Variants in ARMH4 observed in about 807,000 individuals in gnomAD.
ARMH4 encodes armadillo-like helical domain-containing protein 4.
ARMH4 carries 49 observed loss-of-function variants against 61.9 expected under a neutral mutation model. The observed-to-expected ratio is 0.79, with a 90% CI of 0.63 to 1.00. The LOEUF (loss-of-function observed/expected upper bound fraction) is 1.00, where lower values mean the gene tolerates loss of function less well. Ranked by LOEUF, ARMH4 falls within the 50% of genes least tolerant of loss-of-function variation. ARMH4 has a pLI of 0.00. For synonymous variants in ARMH4, 368 were observed against 341.5 expected (o/e 1.08, Z -0.85); for missense variants, 934 against 930.0 (o/e 1.00, Z -0.06).
At chr14:58,118,790 A>G (rs1886621362) in intron 4 of ARMH4, among the ~76,000 whole-genome samples, 1 of 152,140 alleles carries the variant, frequency 6.6e-6, no homozygotes, top group East Asian at 1.9e-4. Context: ...CTTAGGTTTG[A>G]GCCAGGTCTT....
intron 4 of ARMH4, among the ~76,000 whole-genome samples, chr14:58,129,902 A>G (rs1306449874): frequency 6.6e-6 from 1 of 152,246 alleles, no homozygotes; most frequent in Non-Finnish European, 1.5e-5. Flanking sequence ...CTAACAAAAT[A>G]TATTATCAAA....
chr14:58,090,523 G>A (rs1406051168), intron 5 of ARMH4, among the ~76,000 whole-genome samples: 2 of 152,034 alleles, frequency 1.3e-5, no homozygotes, highest in South Asian at 2.1e-4. Flanking sequence ...CCTAATCTCA[G>A]CCAAGCAGGG....
At chr14:58,034,992 C>CAA (rs1314385403) in intron 5 of ARMH4, among the ~76,000 whole-genome samples, 9 of 108,530 alleles carry the variant, frequency 8.3e-5, no homozygotes, top group African/African-American at 3.0e-4. Context: ...TTAGACAGAT[C>CAA]CATGAGACAG....
rs1887190957 is a variant in ARMH4, at chr14:58,133,354, A to G, written c.1370-13T>C. The stretch of plus-strand genomic sequence containing the variant: ...TGAGTGATGATGTCTTAAAGGGGGG[A>G]AAACATTTAAAAATAGACCAAATCC... On this transcript the variant is annotated splice_polypyrimidine_tract_variant and intron_variant, in intron 2 of 7. Coordinates refer to ENST00000267485, the MANE Select transcript of ARMH4 (RefSeq NM_001001872.4). 5 of 1,597,716 alleles carry G rather than the reference A, an allele frequency of 3.1e-6. No individual in the cohort carries two copies. In the East Asian group the frequency reaches 6.7e-5, roughly 21 times the overall value.
At chr14:58,092,833 T>TC (rs1885618267) in intron 5 of ARMH4, among the ~76,000 whole-genome samples, 1 of 151,782 alleles carries the variant, frequency 6.6e-6, no homozygotes, top group African/African-American at 2.4e-5. Flanking sequence ...TTTTTTTTTT[T>TC]TAGACAGGGT....
At chr14:58,048,685 A>T (rs966714257) in intron 5 of ARMH4, among the ~76,000 whole-genome samples, 1 of 152,234 alleles carries the variant, frequency 6.6e-6, no homozygotes, top group East Asian at 1.9e-4. Flanking sequence ...GAAGGAAAAA[A>T]ACAAAGAATG....
At chr14:58,061,041 C>T (rs961777383) in intron 5 of ARMH4, among the ~76,000 whole-genome samples, 2 of 152,094 alleles carry the variant, frequency 1.3e-5, no homozygotes, top group African/African-American at 4.8e-5. Flanking sequence ...GCCCCTCAGA[C>T]CAATTTGGTG....
At chr14:58,071,750 TATA>T (rs1373373564) in intron 5 of ARMH4, among the ~76,000 whole-genome samples, 9 of 152,042 alleles carry the variant, frequency 5.9e-5, no homozygotes, top group Non-Finnish European at 5.9e-5. Flanking sequence ...TCAAGAGAGA[TATA>T]ATGACAGCAA....
At chr14:58,051,397 G>A (rs1398874318) in intron 5 of ARMH4, among the ~76,000 whole-genome samples, 1 of 152,108 alleles carries the variant, frequency 6.6e-6, no homozygotes, top group Non-Finnish European at 1.5e-5. Flanking sequence ...AACCTCTGAG[G>A]TAAGACCCAC....
chr14:58,124,858 T>A (rs1178246177), intron 4 of ARMH4, among the ~76,000 whole-genome samples: 1 of 152,110 alleles, frequency 6.6e-6, no homozygotes, highest in Non-Finnish European at 1.5e-5. Context: ...GAACTAGTGC[T>A]CAGTTGGCAG....
intron 1 of ARMH4, among the ~76,000 whole-genome samples, chr14:58,143,109 C>T (rs370001591): frequency 6.6e-5 from 10 of 152,298 alleles, no homozygotes; most frequent in African/African-American, 2.4e-4. Context: ...CTCCCAAATT[C>T]ATGATGCATA....
chr14:58,069,056 A>G (rs4901843), intron 5 of ARMH4, among the ~76,000 whole-genome samples: 81,625 of 151,230 alleles, frequency 0.54, 23,478 homozygotes, highest in Non-Finnish European at 0.63. Flanking sequence ...CTAAAGATCT[A>G]TAAAGATCTA....
chr14:58,108,913 T>C (rs957135668), intron 4 of ARMH4, among the ~76,000 whole-genome samples: 1 of 152,198 alleles, frequency 6.6e-6, no homozygotes, highest in African/African-American at 2.4e-5. Context: ...CAGATGTCAT[T>C]TGCACTTTCT....
chr14:58,090,365 T>C (rs540553384), intron 5 of ARMH4, among the ~76,000 whole-genome samples: 17 of 152,130 alleles, frequency 1.1e-4, no homozygotes, highest in Non-Finnish European at 1.6e-4. Context: ...AGAAGAGACA[T>C]AGATGTGTAT....
rs17094376 is a variant in ARMH4 at position 58,145,102 on chromosome 14, T to G, written c.-56-5688A>C. Among the ~76,000 whole-genome samples the G allele has an allele frequency of 8.7e-3, 1,322 of 152,320 alleles. 20 individuals are homozygous for G. The highest frequency in any genetic ancestry group is 0.03 in the African/African-American group (1,251 of 41,566). On this transcript the variant is annotated intron_variant, in intron 1 of 7. Coordinates refer to ENST00000267485, the MANE Select transcript of ARMH4 (RefSeq NM_001001872.4). Reference sequence around the variant, plus strand: ...GTGAAATCTTACTAAACGTGTGGCCTAAAACCTTGGCCCACATGATCCCAT... The same window carrying G: ...GTGAAATCTTACTAAACGTGTGGCCGAAAACCTTGGCCCACATGATCCCAT...
chr14:58,127,877 C>T (rs528195445), intron 4 of ARMH4, among the ~76,000 whole-genome samples: 2 of 152,162 alleles, frequency 1.3e-5, no homozygotes, highest in East Asian at 1.9e-4. Context: ...GAGGGAGGAC[C>T]GTCAAAGACT....
chr14:58,059,030 A>G (rs1282578293), intron 5 of ARMH4, among the ~76,000 whole-genome samples: 1 of 152,226 alleles, frequency 6.6e-6, no homozygotes, highest in Non-Finnish European at 1.5e-5. Context: ...GACAGTCCTT[A>G]AGGATTCATG....
chr14:58,011,526 T>G (rs1045421314), intron 6 of ARMH4, among the ~76,000 whole-genome samples: 28 of 152,214 alleles, frequency 1.8e-4, no homozygotes, highest in African/African-American at 6.5e-4. Flanking sequence ...TCTTTATGAG[T>G]AATTCAGTTT....
intron 4 of ARMH4, among the ~76,000 whole-genome samples, chr14:58,125,110 G>C (rs1886855744): frequency 6.6e-6 from 1 of 151,920 alleles, no homozygotes; most frequent in South Asian, 2.1e-4. Flanking sequence ...AGAAAGGAAA[G>C]GAAAGGAAAA....
Sources: gnomAD v4.1 joint callset for allele counts (sites outside exome capture counted in the v4.1 genomes callset) on GRCh38, gnomAD v4.1.1 for gene constraint, MANE v1.5 for transcripts, NCBI Gene and HGNC (gene_info 2026-07-23, HGNC 2026-07-21) for gene names.